Variants in ENTREP2 observed in about 807,000 individuals in gnomAD.
ENTREP2 encodes the protein endosomal transmembrane epsin interactor 2, also known as protein ENTREP2.
the ENTREP2 span, chr15:29,268,130 T>C: frequency 6.6e-6 from 1 of 152,172 alleles, no homozygotes; most frequent in Non-Finnish European, 1.5e-5. Context: ...TGACCCACGA[T>C]TTAAAAAACA....
the ENTREP2 span, among the ~76,000 whole-genome samples, chr15:29,299,790 C>G: frequency 6.6e-6 from 1 of 152,134 alleles, no homozygotes; most frequent in Admixed American, 6.5e-5. Flanking sequence ...TTATTCATTG[C>G]TGTATCCCCA....
At chr15:29,674,458 C>CG in the ENTREP2 span, among the ~76,000 whole-genome samples, 1 of 151,972 alleles carries the variant, frequency 6.6e-6, no homozygotes. Flanking sequence ...TTAGTTGAGA[C>CG]GGGGTTTCAC....
the ENTREP2 span, among the ~76,000 whole-genome samples, chr15:29,297,492 TAATC>T: frequency 6.6e-6 from 1 of 152,318 alleles, no homozygotes; most frequent in African/African-American, 2.4e-5. Flanking sequence ...CTATATCAAA[TAATC>T]AAACTAATAA....
At chr15:29,549,057 A>G in the ENTREP2 span, among the ~76,000 whole-genome samples, 3 of 152,152 alleles carry the variant, frequency 2.0e-5, no homozygotes, top group South Asian at 2.1e-4. Flanking sequence ...CAACTGTTCC[A>G]ATCCTGTTCA....
the ENTREP2 span, among the ~76,000 whole-genome samples, chr15:29,219,614 A>AATATATATATATATATAT: frequency 1.8e-4 from 7 of 38,400 alleles, no homozygotes; most frequent in Non-Finnish European, 3.2e-4. Flanking sequence ...GTGGTGCATA[A>AATATATATATATATATAT]ATATATATAT....
At chr15:29,656,373 C>T in the ENTREP2 span, among the ~76,000 whole-genome samples, 25 of 152,138 alleles carry the variant, frequency 1.6e-4, no homozygotes, top group Non-Finnish European at 2.5e-4. Context: ...CTACAGACAT[C>T]CATCACCACA....
chr15:29,346,104 C>A, the ENTREP2 span, among the ~76,000 whole-genome samples: 1 of 152,188 alleles, frequency 6.6e-6, no homozygotes, highest in Non-Finnish European at 1.5e-5. Context: ...CCCATGCACT[C>A]AAAGGCAGAA....
At chr15:29,642,541 G>A in the ENTREP2 span, among the ~76,000 whole-genome samples, 7,365 of 145,518 alleles carry the variant, frequency 0.051, 209 homozygotes, top group African/African-American at 0.063. Flanking sequence ...TATATCATAT[G>A]TACATATATA....
chr15:29,605,721 C>A, the ENTREP2 span, among the ~76,000 whole-genome samples: 1 of 152,014 alleles, frequency 6.6e-6, no homozygotes, highest in African/African-American at 2.4e-5. Context: ...CCTATAATCC[C>A]AGCTACTCGG....
At chr15:29,613,447 G>A in the ENTREP2 span, 2 of 451,180 alleles carry the variant, frequency 4.4e-6, no homozygotes, top group East Asian at 6.8e-5. Flanking sequence ...CTGGGTGAGG[G>A]CACAGGCTCT....
the ENTREP2 span, among the ~76,000 whole-genome samples, chr15:29,351,788 C>T: frequency 6.6e-6 from 1 of 151,648 alleles, no homozygotes; most frequent in Non-Finnish European, 1.5e-5. Flanking sequence ...GCACTACAGG[C>T]ACATGCCACC....
the ENTREP2 span, among the ~76,000 whole-genome samples, chr15:29,621,865 C>T: frequency 3.4e-3 from 523 of 152,330 alleles, 4 homozygotes; most frequent in African/African-American, 0.012. Context: ...GCAAGCCAAG[C>T]ATCCATCCAC....
At chr15:29,362,111 C>T in the ENTREP2 span, among the ~76,000 whole-genome samples, 6 of 152,114 alleles carry the variant, frequency 3.9e-5, no homozygotes, top group African/African-American at 9.7e-5. Flanking sequence ...CTCCCAGAGA[C>T]GGCCCCCACT....
chr15:29,641,844 A>G, the ENTREP2 span, among the ~76,000 whole-genome samples: 1 of 151,818 alleles, frequency 6.6e-6, no homozygotes, highest in Admixed American at 6.6e-5. Context: ...AAAAAAAAAA[A>G]AAAAGAAAGA....
chr15:29,462,454 C>T, the ENTREP2 span, among the ~76,000 whole-genome samples: 859 of 151,970 alleles, frequency 5.7e-3, 29 homozygotes, highest in South Asian at 0.083. Flanking sequence ...ACTAAAAATA[C>T]AAAAAATTAG....
chr15:29,670,159 A>G, the ENTREP2 span, among the ~76,000 whole-genome samples: 1 of 152,342 alleles, frequency 6.6e-6, no homozygotes, highest in South Asian at 2.1e-4. Flanking sequence ...AGCCTGTCAA[A>G]TTCCCCTGTA....
At chr15:29,441,319 G>C in the ENTREP2 span, among the ~76,000 whole-genome samples, 1 of 152,196 alleles carries the variant, frequency 6.6e-6, no homozygotes, top group Non-Finnish European at 1.5e-5. Flanking sequence ...AGGAGGGAAT[G>C]TGGAATTCGT....
the ENTREP2 span, among the ~76,000 whole-genome samples, chr15:29,521,861 A>AACACACAC: frequency 2.6e-5 from 4 of 151,262 alleles, no homozygotes; most frequent in East Asian, 5.9e-4. Flanking sequence ...CATACACTTA[A>AACACACAC]ACACACACAC....
At chr15:29,413,149 T>C in the ENTREP2 span, among the ~76,000 whole-genome samples, 1 of 152,152 alleles carries the variant, frequency 6.6e-6, no homozygotes, top group African/African-American at 2.4e-5. Flanking sequence ...TATTCATTCT[T>C]TGAAATGTTT....
Sources: gnomAD v4.1 joint callset for allele counts (sites outside exome capture counted in the v4.1 genomes callset) on GRCh38, gnomAD v4.1.1 for gene constraint, MANE v1.5 for transcripts, NCBI Gene and HGNC (gene_info 2026-07-23, HGNC 2026-07-21) for gene names.